The following ERLN variants were observed in gnomAD, a reference collection of about 807,000 sequenced individuals.
ERLN encodes endoregulin.
At chr17:75,647,468 T>C in the ERLN span, 2 of 1,550,162 alleles carry the variant, frequency 1.3e-6, no homozygotes, top group South Asian at 2.4e-5. Flanking sequence ...ATTATCTTAT[T>C]CATCACCGCT....
the ERLN span, chr17:75,647,566 C>T: frequency 1.3e-6 from 2 of 1,549,922 alleles, no homozygotes; most frequent in East Asian, 4.9e-5. Context: ...AGAGGAGTGA[C>T]CTGACTTGCT....
chr17:75,647,255 G>A, the ERLN span: 149 of 819,516 alleles, frequency 1.8e-4, no homozygotes, highest in East Asian at 1.3e-3. Flanking sequence ...GCTGCCAGGC[G>A]GGCCGGCTGC....
the ERLN span, among the ~76,000 whole-genome samples, chr17:75,647,083 T>C: frequency 6.6e-6 from 1 of 152,198 alleles, no homozygotes; most frequent in African/African-American, 2.4e-5. Context: ...CACTTGCTAC[T>C]CAGGAAAGAA....
the ERLN span, chr17:75,646,299 G>C: frequency 6.6e-6 from 1 of 152,378 alleles, no homozygotes; most frequent in African/African-American, 2.4e-5. Context: ...CCCAGCCCCA[G>C]GGCTTCCTGA....
At chr17:75,647,713 T>G in the ERLN span, 1 of 752,524 alleles carries the variant, frequency 1.3e-6, no homozygotes, top group Non-Finnish European at 2.2e-6. Context: ...AGTAAAATAC[T>G]GTATCTGGCT....
chr17:75,646,458 T>A, the ERLN span: 1 of 152,326 alleles, frequency 6.6e-6, no homozygotes, highest in Non-Finnish European at 1.5e-5. Context: ...CAGGAGGGAC[T>A]CATGAACACG....
At chr17:75,647,549 C>A in the ERLN span, 1 of 1,550,040 alleles carries the variant, frequency 6.5e-7, no homozygotes, top group East Asian at 2.4e-5. Context: ...CAGTGTGAAG[C>A]GGGTGAAGAG....
chr17:75,647,503 A>C, the ERLN span: 8 of 1,550,254 alleles, frequency 5.2e-6, no homozygotes, highest in South Asian at 9.5e-5. Flanking sequence ...CTTATTTGCC[A>C]TCGTGTTTGG....
chr17:75,646,789 A>C, the ERLN span: 1 of 153,076 alleles, frequency 6.5e-6, no homozygotes, highest in African/African-American at 2.4e-5. Context: ...AGAATCAGGT[A>C]ATGGCTCCCT....
the ERLN span, among the ~76,000 whole-genome samples, chr17:75,646,951 C>T: frequency 5.5e-4 from 84 of 152,328 alleles, 1 homozygote; most frequent in African/African-American, 1.5e-3. Context: ...GGCTCCTATA[C>T]GCTCTCTCAA....
the ERLN span, chr17:75,647,714 G>A: frequency 2.4e-4 from 181 of 753,356 alleles, no homozygotes; most frequent in Middle Eastern, 2.3e-3. Context: ...GTAAAATACT[G>A]TATCTGGCTT....
the ERLN span, chr17:75,647,298 G>A: frequency 6.8e-6 from 9 of 1,324,468 alleles, no homozygotes; most frequent in East Asian, 2.5e-5. Flanking sequence ...TGGAGTCGGC[G>A]GGCAGAGCAT....
At chr17:75,647,925 G>C in the ERLN span, 10 of 209,228 alleles carry the variant, frequency 4.8e-5, no homozygotes, top group South Asian at 1.6e-3. Context: ...ACAAATCCTT[G>C]ACAGAGAAAG....
the ERLN span, chr17:75,647,441 AG>A: frequency 6.5e-7 from 1 of 1,550,156 alleles, no homozygotes; most frequent in Non-Finnish European, 8.7e-7. Context: ...CCCTGGGACC[AG>A]GGGGGCCTGG....
chr17:75,647,692 G>C, the ERLN span: 1 of 869,192 alleles, frequency 1.2e-6, no homozygotes, highest in Non-Finnish European at 1.8e-6. Context: ...TTTCCCATCA[G>C]GAAAAAGTCT....
At chr17:75,647,328 G>C in the ERLN span, 1 of 1,491,056 alleles carries the variant, frequency 6.7e-7, no homozygotes, top group East Asian at 2.5e-5. Context: ...GACAGGGCCT[G>C]GGAGGGCTGC....
chr17:75,647,659 G>A, the ERLN span: 2 of 1,221,388 alleles, frequency 1.6e-6, no homozygotes, highest in South Asian at 2.9e-5. Context: ...CTCTGGCTCA[G>A]GGGCCAAGCC....
the ERLN span, chr17:75,647,409 G>A: frequency 1.3e-6 from 2 of 1,549,728 alleles, no homozygotes; most frequent in African/African-American, 2.7e-5. Flanking sequence ...AGACAATCTG[G>A]AATGATGCGT....
the ERLN span, chr17:75,647,498 T>C: frequency 7.7e-6 from 12 of 1,550,268 alleles, 1 homozygote; most frequent in South Asian, 1.4e-4. Flanking sequence ...CTCATCTTAT[T>C]TGCCATCGTG....
Sources: gnomAD v4.1 joint callset for allele counts (sites outside exome capture counted in the v4.1 genomes callset) on GRCh38, gnomAD v4.1.1 for gene constraint, MANE v1.5 for transcripts, NCBI Gene and HGNC (gene_info 2026-07-23, HGNC 2026-07-21) for gene names.